The following PPM1A variants were observed in gnomAD, a reference collection of about 807,000 sequenced individuals.
The protein encoded by PPM1A is protein phosphatase, Mg2+/Mn2+ dependent 1A.
In PPM1A, 7 loss-of-function variants were observed where a neutral mutation model predicts 35.0. The observed-to-expected ratio is 0.20, with a 90% CI of 0.11 to 0.38. The LOEUF (loss-of-function observed/expected upper bound fraction) is 0.38. Ranked by LOEUF, PPM1A falls within the 10% of genes least tolerant of loss-of-function variation. The probability of loss-of-function intolerance (pLI) is 1.00; values close to 1 mark genes in which losing one functional copy is unlikely to be tolerated. For missense variants in PPM1A, 239 were observed against 467.8 expected (o/e 0.51, Z 4.51); for synonymous variants, 153 against 167.3 (o/e 0.91, Z 0.66).
At chr14:60,284,044 T>G (rs897626609) in intron 2 of PPM1A, among the ~76,000 whole-genome samples, 2 of 152,248 alleles carry the variant, frequency 1.3e-5, no homozygotes, top group African/African-American at 4.8e-5. Flanking sequence ...GAACTTGCTC[T>G]GAGACTGTGT....
intron 1 of PPM1A, among the ~76,000 whole-genome samples, chr14:60,276,340 T>C (rs1200152531): frequency 2.6e-5 from 4 of 152,170 alleles, no homozygotes; most frequent in African/African-American, 2.4e-5. Flanking sequence ...TATATATTTT[T>C]TTCTCTTTGG....
rs199628964 is a variant in PPM1A at position 60,282,748 on chromosome 14, C to G, written c.45C>G (p.Ala15=). ...LDKPKMEKHN[A]QGQGNGLRYG... is the part of the protein sequence containing the mutation. ...AGCCAAAGATGGAAAAGCATAATGC[C>G]CAGGGGCAGGGTAATGGGTTGCGAT... The change falls in exon 2 of 6, where the codon GCC becomes GCG. Residue 15 remains alanine (A), a synonymous_variant. Coordinates refer to ENST00000395076, the MANE Select transcript of PPM1A (RefSeq NM_021003.5). The surrounding 1 kb of genome is among the most constrained non-coding windows in gnomAD (Gnocchi z 5.1). 6.8e-5 allele frequency: 110 copies of G among 1,614,126 alleles called. 1 individual carries two copies. Among genetic ancestry groups the G allele is most frequent in the Non-Finnish European group, 9.2e-5 (109 of 1,180,044 alleles).
rs1888055872 is a variant in PPM1A, at chr14:60,296,242, A to T, written c.*3760A>T. On this transcript the variant is annotated 3_prime_UTR_variant, in exon 6 of 6. Transcript: ENST00000395076. This position sits in a 1 kb window ranked among gnomAD's most constrained non-coding sequence, Gnocchi z 4.4. ...ATATTTTAAAATAATTTCACTGCCC[A>T]TCTTTACTGGACAAACTCATTTGGA... The T allele has an allele frequency of 1.3e-5, 2 of 151,954 alleles. No individual in the cohort carries two copies. The highest frequency in any genetic ancestry group is 2.9e-5 in the Non-Finnish European group (2 of 67,838). The allele number at this position is 151,954 out of a possible 1,614,324, so 9.4% of individuals were successfully genotyped here. A position where few individuals can be genotyped will look rare whatever the true frequency, so the allele number is the denominator to read the frequency against.
At chr14:60,246,181 T>C (rs1468561090), upstream of PPM1A, 4 of 849,748 alleles carry the variant, frequency 4.7e-6, no homozygotes, top group South Asian at 4.0e-5. Flanking sequence ...TCATTTACAT[T>C]ACTGCATATA....
intron 1 of PPM1A, among the ~76,000 whole-genome samples, chr14:60,255,194 CAG>C (rs1448833784): frequency 9.9e-5 from 12 of 121,662 alleles, no homozygotes; most frequent in Non-Finnish European, 1.9e-4. Context: ...GTTTTTGAGA[CAG>C]AGTCTCGCTC....
chr14:60,255,113 C>T (rs992988632), intron 1 of PPM1A, among the ~76,000 whole-genome samples: 2 of 151,476 alleles, frequency 1.3e-5, no homozygotes, highest in Non-Finnish European at 1.5e-5. Context: ...TTAATCTCTC[C>T]TTTCTCTGTA....
chr14:60,280,282 G>A (rs1248092748), intron 1 of PPM1A, among the ~76,000 whole-genome samples: 4 of 152,194 alleles, frequency 2.6e-5, no homozygotes, highest in African/African-American at 9.7e-5. Flanking sequence ...GGGATTACAG[G>A]CGTGAGCCAC....
chr14:60,259,139 C>A (rs1028916163), intron 1 of PPM1A, among the ~76,000 whole-genome samples: 15 of 151,954 alleles, frequency 9.9e-5, no homozygotes, highest in African/African-American at 2.9e-4. Flanking sequence ...CCTACATACA[C>A]AAAAAAATTG....
intron 1 of PPM1A, among the ~76,000 whole-genome samples, chr14:60,274,828 T>C (rs779456307): frequency 5.3e-5 from 8 of 151,652 alleles, no homozygotes; most frequent in Non-Finnish European, 1.0e-4. Context: ...GTTTTATTCA[T>C]TCAATGTCAT....
upstream of PPM1A, chr14:60,245,768 G>A (rs115103017): frequency 8.3e-4 from 1,067 of 1,278,122 alleles, 15 homozygotes; most frequent in African/African-American, 0.015. The surrounding 1 kb of genome is among the most constrained non-coding windows in gnomAD (Gnocchi z 4.2). Flanking sequence ...TTATGATGTA[G>A]GGGAGGGAGG....
rs771099759 is a variant in PPM1A at position 60,289,928 on chromosome 14, T to C, written c.1061+14T>C. On this transcript the variant is annotated intron_variant, in intron 4 of 5. Transcript: ENST00000395076. This position sits in a 1 kb window ranked among gnomAD's most constrained non-coding sequence, Gnocchi z 4.1. ...ATTGGCAAGCAAGTAAGTTACATTC[T>C]GTACACTCTTATGCTTTATGTCAGT... is the stretch of plus-strand genomic sequence containing the variant. The C allele has an allele frequency of 1.3e-6, 2 of 1,497,634 alleles. No homozygotes were observed. Among genetic ancestry groups the C allele is most frequent in the Admixed American group, 4.3e-5 (2 of 46,728 alleles). 92.8% of individuals were successfully genotyped at this position (1,497,634 alleles called of 1,614,324 possible). A position where few individuals can be genotyped will look rare whatever the true frequency, so the allele number is the denominator to read the frequency against.
At chr14:60,290,456 G>T (rs1887516845) in intron 4 of PPM1A, among the ~76,000 whole-genome samples, 1 of 152,068 alleles carries the variant, frequency 6.6e-6, no homozygotes, top group Non-Finnish European at 1.5e-5. Context: ...CATAGAATTG[G>T]ACTACTTTGT....
intron 2 of PPM1A, among the ~76,000 whole-genome samples, chr14:60,284,263 A>G (rs1343680935): frequency 6.6e-6 from 1 of 152,218 alleles, no homozygotes; most frequent in Non-Finnish European, 1.5e-5. Flanking sequence ...CCTGAGACCA[A>G]GGCTTACCTC....
At chr14:60,250,616 T>C (rs1882277887) in intron 1 of PPM1A, 2 of 163,672 alleles carry the variant, frequency 1.2e-5, no homozygotes, top group Admixed American at 1.3e-4. Flanking sequence ...ATGAGCTGAA[T>C]GTGTTTTAAG....
At chr14:60,252,208 A>G (rs996894156) in intron 1 of PPM1A, among the ~76,000 whole-genome samples, 6 of 152,246 alleles carry the variant, frequency 3.9e-5, no homozygotes, top group South Asian at 2.1e-4. Flanking sequence ...TTTTTAACCA[A>G]GAAGTGGCAT....
intron 1 of PPM1A, among the ~76,000 whole-genome samples, chr14:60,252,584 A>C (rs1012472225): frequency 6.6e-6 from 1 of 152,160 alleles, no homozygotes; most frequent in Non-Finnish European, 1.5e-5. Context: ...CCTCTAAGTA[A>C]TTTTATGTCA....
In PPM1A at chr14:60,254,424, T is replaced by A. The variant is rs189366351; in HGVS notation, c.-21+4747T>A. On this transcript the variant is annotated intron_variant, in intron 1 of 5. Coordinates refer to ENST00000395076, the MANE Select transcript of PPM1A (RefSeq NM_021003.5). ...ACAGTAATAAAGCAAAGGTGAATGT[T>A]CAGGCTAGAATGATCAGTCAGTAAG... Among the ~76,000 whole-genome samples the A allele has an allele frequency of 5.8e-4, 88 of 152,262 alleles. No individual in the cohort carries two copies. The South Asian group carries it at 8.1e-3, about 14-fold the overall frequency.
At chr14:60,276,269 C>T (rs1029048112) in intron 1 of PPM1A, among the ~76,000 whole-genome samples, 1 of 152,164 alleles carries the variant, frequency 6.6e-6, no homozygotes, top group African/African-American at 2.4e-5. Context: ...TCCACTGTGA[C>T]CTGTGCTGTT....
Position 60,254,513 on chromosome 14 carries a change from TATC to T in PPM1A, c.-21+4839_-21+4841del, listed in dbSNP as rs199995500. Among the ~76,000 whole-genome samples, 879 of 152,290 alleles carry T rather than the reference TATC, an allele frequency of 5.8e-3. 8 individuals carry two copies. The highest frequency in any genetic ancestry group is 0.02 in the African/African-American group (843 of 41,564). On this transcript the variant is annotated intron_variant, in intron 1 of 5. Coordinates refer to ENST00000395076, the MANE Select transcript of PPM1A (RefSeq NM_021003.5). ...TTATGGTTAGAAATGAGCAGGAAGA[TATC>T]ATTGCTACAGGAAAGGATGCAAAAG... is the stretch of plus-strand genomic sequence containing the variant.
Sources: gnomAD v4.1 joint callset for allele counts (sites outside exome capture counted in the v4.1 genomes callset) on GRCh38, gnomAD v4.1.1 for gene constraint, Gnocchi (gnomAD v3.1) non-coding constraint, MANE v1.5 for transcripts, NCBI Gene and HGNC (gene_info 2026-07-23, HGNC 2026-07-21) for gene names.